Variants in ZNF680 observed in about 807,000 individuals in gnomAD.
The protein encoded by ZNF680 is hypothetical protein FLJ90430.
In ZNF680, 6 loss-of-function variants were observed where a neutral mutation model predicts 12.1. The observed-to-expected ratio is 0.49, with a 90% confidence interval of 0.27 to 0.98. ZNF680 has a LOEUF of 0.98. Among genes scored for constraint, ZNF680 ranks in the 50% least tolerant of loss-of-function variants. The probability of loss-of-function intolerance (pLI) is 0.12; values close to 1 mark genes in which losing one functional copy is unlikely to be tolerated. For synonymous variants in ZNF680, 170 were observed against 199.3 expected (o/e 0.85, Z 1.24); for missense variants, 561 against 616.3 (o/e 0.91, Z 0.95).
At chr7:64,551,189 T>G (rs1187572110) in intron 1 of ZNF680, among the ~76,000 whole-genome samples, 1 of 152,202 alleles carries the variant, frequency 6.6e-6, no homozygotes, top group African/African-American at 2.4e-5. Context: ...AATAAACTTT[T>G]AAGATCTTCA....
chr7:64,537,858 A>G (rs1450393686), intron 3 of ZNF680, among the ~76,000 whole-genome samples: 1 of 152,108 alleles, frequency 6.6e-6, no homozygotes, highest in Non-Finnish European at 1.5e-5. Flanking sequence ...TGAACCCGGG[A>G]GGCAGAGCTT....
chr7:64,539,118 A>T (rs2116466133), intron 3 of ZNF680, among the ~76,000 whole-genome samples: 1 of 132,380 alleles, frequency 7.6e-6, no homozygotes, highest in Admixed American at 7.7e-5. Flanking sequence ...GAGGCAGAGC[A>T]AGACTCCATC....
In ZNF680 at chr7:64,544,831, G is replaced by A. The variant is rs565054531; in HGVS notation, c.31-399C>T. 2.0e-5 allele frequency among the ~76,000 whole-genome samples: 3 copies of A among 152,278 alleles called. No individual in the cohort carries two copies. In the East Asian group the frequency reaches 5.8e-4, roughly 29 times the overall value. On this transcript the variant is annotated intron_variant, in intron 1 of 3. Coordinates refer to ENST00000309683, the MANE Select transcript of ZNF680 (RefSeq NM_178558.5). ...CAAATTTTAATGTGTACAATAAACTGAAGATCTTATTATGCGGATTGTTTT... is the reference window on the plus strand; with the variant it reads ...CAAATTTTAATGTGTACAATAAACTAAAGATCTTATTATGCGGATTGTTTT...
intron 1 of ZNF680, among the ~76,000 whole-genome samples, chr7:64,551,329 C>A (rs1787063359): frequency 6.6e-6 from 1 of 152,126 alleles, no homozygotes; most frequent in African/African-American, 2.4e-5. Flanking sequence ...GCTCTCTACT[C>A]CCCAAGCGTT....
intron 1 of ZNF680, 35 bp downstream of exon 1, chr7:64,562,890 T>G: frequency 6.2e-7 from 1 of 1,610,244 alleles, no homozygotes; most frequent in Non-Finnish European, 8.5e-7. Flanking sequence ...AACCAGCCCC[T>G]CCCCCTCTCT....
the ZNF680 span, among the ~76,000 whole-genome samples, chr7:64,502,690 G>T: frequency 6.6e-6 from 1 of 151,866 alleles, no homozygotes; most frequent in Non-Finnish European, 1.5e-5. Flanking sequence ...CAGAAATTTG[G>T]GGGAAAAAAA....
chr7:64,518,900 A>G (rs1214946847), downstream of ZNF680, among the ~76,000 whole-genome samples: 2 of 152,228 alleles, frequency 1.3e-5, no homozygotes, highest in South Asian at 4.1e-4. Context: ...CTAGAAGATA[A>G]CATTGGAAAA....
At chr7:64,526,813 A>G (rs553508739) in intron 3 of ZNF680, among the ~76,000 whole-genome samples, 22 of 152,372 alleles carry the variant, frequency 1.4e-4, no homozygotes, top group African/African-American at 5.3e-4. Flanking sequence ...TGAAGTTGTT[A>G]TGAAATTAAA....
In ZNF680 at chr7:64,522,421, T is replaced by A. The variant is rs148211143; in HGVS notation, c.333A>T (p.Gly111=). Residue 111 remains glycine (G), a synonymous_variant, in exon 4 of 4, where the codon GGA becomes GGT. Transcript: ENST00000309683. ...AATTCTCATGTCCACATTTTCCATA[T>A]CCTCTCAGTATCACTTTTTGAAAAG... The part of the protein sequence containing the change: ...KDSFQKVILR[G]YGKCGHENLQ... The A allele has an allele frequency of 1.7e-4, 276 of 1,609,062 alleles. 1 individual carries two copies. In the East Asian group the frequency reaches 4.3e-3, roughly 25 times the overall value.
chr7:64,511,759 T>A, the ZNF680 span, among the ~76,000 whole-genome samples: 2 of 150,448 alleles, frequency 1.3e-5, no homozygotes, highest in African/African-American at 4.9e-5. Flanking sequence ...AAAAAAAAAA[T>A]TCTTAAAAAG....
At chr7:64,530,121 C>G (rs908283348) in intron 3 of ZNF680, among the ~76,000 whole-genome samples, 1 of 152,104 alleles carries the variant, frequency 6.6e-6, no homozygotes, top group Admixed American at 6.5e-5. Context: ...TCATCATTAC[C>G]AAGCCACTAC....
intron 1 of ZNF680, 67 bp downstream of exon 1, chr7:64,562,858 A>G: frequency 6.3e-7 from 1 of 1,593,326 alleles, no homozygotes; most frequent in Admixed American, 1.7e-5. Flanking sequence ...GAGTCCTGCC[A>G]CAGCCACTTC....
chr7:64,549,088 C>A (rs1159963735), intron 1 of ZNF680, among the ~76,000 whole-genome samples: 2 of 151,202 alleles, frequency 1.3e-5, no homozygotes, highest in Non-Finnish European at 2.9e-5. Context: ...CCATTGCACT[C>A]CAGCCTGGGC....
chr7:64,504,483 CTGATT>C, the ZNF680 span, among the ~76,000 whole-genome samples: 2 of 152,262 alleles, frequency 1.3e-5, no homozygotes, highest in East Asian at 1.9e-4. Flanking sequence ...TTAACTGTTT[CTGATT>C]TATCTGGAAT....
At chr7:64,561,943 A>AG (rs1321526275) in intron 1 of ZNF680, among the ~76,000 whole-genome samples, 1 of 135,046 alleles carries the variant, frequency 7.4e-6, no homozygotes, top group East Asian at 2.2e-4. Flanking sequence ...TCAAAAAAAA[A>AG]AAAAATTTAC....
chr7:64,534,574 T>C (rs1449555424), intron 3 of ZNF680, among the ~76,000 whole-genome samples: 2 of 152,172 alleles, frequency 1.3e-5, no homozygotes, highest in East Asian at 3.9e-4. Flanking sequence ...GAATGTAAAC[T>C]AGTACAACCA....
intron 1 of ZNF680, among the ~76,000 whole-genome samples, chr7:64,558,167 G>A (rs1164532753): frequency 6.6e-6 from 1 of 152,134 alleles, no homozygotes; most frequent in African/African-American, 2.4e-5. Flanking sequence ...GTACAGAACC[G>A]TTGGTTGGTG....
intron 3 of ZNF680, chr7:64,525,754 T>C (rs1791805519): frequency 2.1e-6 from 2 of 947,668 alleles, no homozygotes; most frequent in African/African-American, 3.5e-5. Flanking sequence ...AATAGAAAAG[T>C]TTTTCTCCCA....
At chr7:64,501,997 C>CTT in the ZNF680 span, among the ~76,000 whole-genome samples, 5,532 of 104,012 alleles carry the variant, frequency 0.053, 460 homozygotes, top group East Asian at 0.13. Flanking sequence ...GGACGTATTT[C>CTT]TTTTTTTTTT....
Sources: gnomAD v4.1 joint callset for allele counts (sites outside exome capture counted in the v4.1 genomes callset) on GRCh38, gnomAD v4.1.1 for gene constraint, MANE v1.5 for transcripts, NCBI Gene and HGNC (gene_info 2026-07-23, HGNC 2026-07-21) for gene names.